Variants in PPP6R2 observed in about 807,000 individuals in gnomAD.
PPP6R2 encodes the protein serine/threonine-protein phosphatase 6 regulatory subunit 2.
A neutral mutation model predicts 100.2 loss-of-function variants in PPP6R2; 62 were observed. That is an observed-to-expected ratio of 0.62 (90% CI 0.50 to 0.76). The LOEUF is 0.76. Among genes scored for constraint, PPP6R2 ranks in the 30% least tolerant of loss-of-function variants. The pLI is 0.00. For synonymous variants in PPP6R2, 525 were observed against 514.7 expected (o/e 1.02, Z -0.27); for missense variants, 1,142 against 1,276.3 (o/e 0.89, Z 1.60).
At chr22:50,395,684 C>T (rs2056643092) in intron 3 of PPP6R2, among the ~76,000 whole-genome samples, 1 of 152,142 alleles carries the variant, frequency 6.6e-6, no homozygotes, top group Admixed American at 6.5e-5. Flanking sequence ...CCTTAGCCTC[C>T]CTAGTAGCTG....
At chr22:50,402,328 C>CT (rs566570369) in intron 3 of PPP6R2, among the ~76,000 whole-genome samples, 15,752 of 134,910 alleles carry the variant, frequency 0.12, 1,154 homozygotes, top group East Asian at 0.39. Flanking sequence ...ACCCCAGTTT[C>CT]TTTTTTTTTT....
intron 3 of PPP6R2, among the ~76,000 whole-genome samples, chr22:50,401,429 G>C (rs1172447719): frequency 6.7e-6 from 1 of 150,330 alleles, no homozygotes; most frequent in South Asian, 2.1e-4. Context: ...GGATGGTCTC[G>C]ATCTCCTGAC....
At position 50,437,213 on chromosome 22, in the gene PPP6R2, G is replaced by T. The variant is rs941264153; in HGVS notation, c.1683+145G>T. Reference sequence around the variant, plus strand: ...CTCCGAGCACGTATGGGGCGGGGTGGGTCTGAAGGGAGAACCCCAAAGTCA... The same window carrying T: ...CTCCGAGCACGTATGGGGCGGGGTGTGTCTGAAGGGAGAACCCCAAAGTCA... On this transcript the variant is annotated intron_variant, in intron 15 of 23. Coordinates refer to ENST00000612753, the MANE Select transcript of PPP6R2 (RefSeq NM_001242898.2). The T allele has an allele frequency of 8.5e-6, 7 of 828,296 alleles. No homozygotes were observed. The African/African-American group carries it at 1.0e-4, about 12-fold the overall frequency. 51.3% of individuals were successfully genotyped at this position (828,296 alleles called of 1,614,324 possible). A position where few individuals can be genotyped will look rare whatever the true frequency, so the allele number is the denominator to read the frequency against.
At chr22:50,443,542 G>A (rs995766058) in intron 22 of PPP6R2, 5 of 343,246 alleles carry the variant, frequency 1.5e-5, no homozygotes, top group African/African-American at 1.0e-4. Context: ...TCCAGTGTGA[G>A]GCTGAAGTTG....
At chr22:50,379,377 G>C (rs1159139257) in intron 2 of PPP6R2, among the ~76,000 whole-genome samples, 1 of 151,980 alleles carries the variant, frequency 6.6e-6, no homozygotes, top group Non-Finnish European at 1.5e-5. Context: ...CATGCCTGTA[G>C]TTCCAGCTAC....
At chr22:50,346,404 C>A in intron 1 of PPP6R2, among the ~76,000 whole-genome samples, 1 of 70,862 alleles carries the variant, frequency 1.4e-5, no homozygotes, top group African/African-American at 6.0e-5. Context: ...TCAGTGCCCC[C>A]AGTCAGTGCC....
intron 4 of PPP6R2, among the ~76,000 whole-genome samples, chr22:50,411,712 C>T (rs902668003): frequency 6.6e-6 from 1 of 152,048 alleles, no homozygotes; most frequent in African/African-American, 2.4e-5. Flanking sequence ...GAGATTGTGA[C>T]TCTGCACTCC....
intron 1 of PPP6R2, among the ~76,000 whole-genome samples, chr22:50,359,070 A>T (rs1017701023): frequency 7.6e-6 from 1 of 130,920 alleles, no homozygotes; most frequent in Admixed American, 9.4e-5. Flanking sequence ...CGCGATCTCC[A>T]CTCACTGCAA....
At chr22:50,371,061 T>A (rs979836291) in intron 1 of PPP6R2, among the ~76,000 whole-genome samples, 7 of 152,188 alleles carry the variant, frequency 4.6e-5, no homozygotes, top group Admixed American at 1.3e-4. Context: ...ACGTCAGACC[T>A]TTTTTAAAAC....
Position 50,343,541 on chromosome 22 carries a change from C to G in PPP6R2, c.-157C>G, listed in dbSNP as rs1256588175. The G allele has an allele frequency of 6.6e-6, 1 of 151,856 alleles. No homozygotes were observed. The highest frequency in any genetic ancestry group is 1.5e-5 in the Non-Finnish European group (1 of 67,842). The allele number at this position is 151,856 out of a possible 1,614,324, so 9.4% of individuals were successfully genotyped here. A position where few individuals can be genotyped will look rare whatever the true frequency, so the allele number is the denominator to read the frequency against. On this transcript the variant is annotated 5_prime_UTR_variant, in exon 1 of 24. Coordinates refer to ENST00000612753, the MANE Select transcript of PPP6R2 (RefSeq NM_001242898.2). ...CGAAGAGCTGCCGCGACGCCCGGCCCGCAGGGCAGGTGAGTGCGGCCGCCC... is the reference window on the plus strand; with the variant it reads ...CGAAGAGCTGCCGCGACGCCCGGCCGGCAGGGCAGGTGAGTGCGGCCGCCC...
chr22:50,354,290 G>A (rs1028946129), intron 1 of PPP6R2, among the ~76,000 whole-genome samples: 5 of 152,126 alleles, frequency 3.3e-5, no homozygotes, highest in South Asian at 4.1e-4. Context: ...GGGCGACGGA[G>A]CGAGACTTTG....
intron 2 of PPP6R2, among the ~76,000 whole-genome samples, chr22:50,374,154 G>A (rs760463307): frequency 3.9e-5 from 6 of 152,212 alleles, no homozygotes; most frequent in Non-Finnish European, 8.8e-5. Context: ...AAAGTGCCGA[G>A]ATTATAGGTG....
intron 1 of PPP6R2, among the ~76,000 whole-genome samples, chr22:50,356,535 C>T (rs953241986): frequency 1.3e-5 from 2 of 151,972 alleles, no homozygotes; most frequent in Admixed American, 6.6e-5. Flanking sequence ...AAAATTCTTA[C>T]ATTAATACAA....
At chr22:50,392,793 G>T (rs2055904601) in intron 2 of PPP6R2, among the ~76,000 whole-genome samples, 1 of 152,138 alleles carries the variant, frequency 6.6e-6, no homozygotes, top group Non-Finnish European at 1.5e-5. Context: ...AGAGGCTGTG[G>T]GAGTGTGGCT....
intron 1 of PPP6R2, among the ~76,000 whole-genome samples, chr22:50,359,335 C>T (rs1481301661): frequency 2.0e-5 from 3 of 151,606 alleles, no homozygotes; most frequent in Admixed American, 6.6e-5. Flanking sequence ...TCTCCTGCCT[C>T]AGCCTCCCGA....
upstream of PPP6R2, among the ~76,000 whole-genome samples, chr22:50,340,383 A>G (rs1209398713): frequency 1.7e-3 from 79 of 45,474 alleles, no homozygotes; most frequent in Admixed American, 2.4e-3. Flanking sequence ...TGTGGTGTGT[A>G]TGGTATGTGG....
At chr22:50,388,686 A>T (rs1481461163) in intron 2 of PPP6R2, among the ~76,000 whole-genome samples, 12 of 152,120 alleles carry the variant, frequency 7.9e-5, no homozygotes, top group Non-Finnish European at 1.8e-4. Flanking sequence ...AGCCTGGCCA[A>T]TATGGTGAAA....
chr22:50,439,695 C>G lies in PPP6R2; in HGVS notation c.2129-6C>G. The G allele has an allele frequency of 1.3e-6, 2 of 1,576,190 alleles. No homozygotes were observed. The highest frequency in any genetic ancestry group is 3.6e-5 in the Admixed American group (2 of 55,056). On this transcript the variant is annotated splice_polypyrimidine_tract_variant and splice_region_variant and intron_variant, in intron 19 of 23. Transcript: ENST00000612753. ...ACGCCTGACCACTGTGTCTCTCCCC[C>G]AGCAGGCGCCATGTGGACGGCAGTG...
chr22:50,353,142 G>C (rs1046675579), intron 1 of PPP6R2, among the ~76,000 whole-genome samples: 3 of 152,244 alleles, frequency 2.0e-5, no homozygotes, highest in Non-Finnish European at 4.4e-5. Context: ...TGGAGTAGCA[G>C]TTTTAATTTC....
Sources: gnomAD v4.1 joint callset for allele counts (sites outside exome capture counted in the v4.1 genomes callset) on GRCh38, gnomAD v4.1.1 for gene constraint, MANE v1.5 for transcripts, NCBI Gene and HGNC (gene_info 2026-07-23, HGNC 2026-07-21) for gene names.